GRIA2: variants seen among roughly 807,000 people sequenced by gnomAD.
The protein encoded by GRIA2 is glutamate receptor 2.
In GRIA2, 14 loss-of-function variants were observed where a neutral mutation model predicts 97.3. That is an observed-to-expected ratio of 0.14 (90% CI 0.10 to 0.23). The LOEUF (loss-of-function observed/expected upper bound fraction) is 0.23, where lower values mean the gene tolerates loss of function less well. Ranked by LOEUF, GRIA2 falls within the 10% of genes least tolerant of loss-of-function variation. GRIA2 has a pLI of 1.00. For synonymous variants in GRIA2, 412 were observed against 387.8 expected, an observed-to-expected ratio of 1.06 and a Z score of -0.73; for missense variants, 558 against 1,069.8, an observed-to-expected ratio of 0.52 and a Z score of 6.67.
rs770055541 is a variant in GRIA2, at chr4:157,341,244, C to A, written c.1845-20C>A. 3.2e-6 allele frequency: 5 copies of A among 1,551,950 alleles called. No homozygotes were observed. The Admixed American group carries it at 6.7e-5, about 21-fold the overall frequency. On this transcript the variant is annotated intron_variant, in intron 11 of 15. Transcript: ENST00000264426. ...GGTCATTCATTTCACTTTACAAATC[C>A]ATTTCATACTTGTTATTAGATCCCT...
At chr4:157,338,023 T>C (rs1180339894) in intron 11 of GRIA2, among the ~76,000 whole-genome samples, 1 of 12,726 alleles carries the variant, frequency 7.9e-5, no homozygotes, top group Non-Finnish European at 2.6e-4. Context: ...TATATATATA[T>C]ATATATATAT....
intron 2 of GRIA2, among the ~76,000 whole-genome samples, chr4:157,254,237 C>G (rs926112370): frequency 2.6e-5 from 4 of 151,940 alleles, no homozygotes; most frequent in African/African-American, 9.7e-5. Context: ...AACATAAGCT[C>G]TCTATTTTCT....
intron 2 of GRIA2, among the ~76,000 whole-genome samples, chr4:157,252,441 C>T (rs1731058320): frequency 6.6e-6 from 1 of 151,998 alleles, no homozygotes. Context: ...GTTTTTGTTG[C>T]CAGTTCTAAA....
At chr4:157,260,142 C>T (rs1731461848) in intron 2 of GRIA2, among the ~76,000 whole-genome samples, 1 of 152,084 alleles carries the variant, frequency 6.6e-6, no homozygotes, top group South Asian at 2.1e-4. Flanking sequence ...TGAAAGTGAT[C>T]TGTGACTTTC....
At chr4:157,350,712 T>A (rs903126296) in intron 12 of GRIA2, among the ~76,000 whole-genome samples, 1 of 152,250 alleles carries the variant, frequency 6.6e-6, no homozygotes, top group African/African-American at 2.4e-5. Flanking sequence ...AGAATTCTGT[T>A]ATCTAGACTC....
rs1735521822 is a variant in GRIA2, at chr4:157,340,954, T to C, written c.1845-310T>C. Among the ~76,000 whole-genome samples, 3 of 152,074 alleles carry C rather than the reference T, an allele frequency of 2.0e-5. No individual in the cohort carries two copies. The South Asian group carries it at 6.2e-4, about 31-fold the overall frequency. ...CTTACATCATGAGTGGATAAACTTTTATGAGTATTTGTAAATTTCTTGAAA... is the reference window on the plus strand; with the variant it reads ...CTTACATCATGAGTGGATAAACTTTCATGAGTATTTGTAAATTTCTTGAAA... On this transcript the variant is annotated intron_variant, in intron 11 of 15. Transcript: ENST00000264426.
chr4:157,257,356 A>G (rs948551106), intron 2 of GRIA2, among the ~76,000 whole-genome samples: 12 of 152,022 alleles, frequency 7.9e-5, no homozygotes, highest in African/African-American at 2.9e-4. Flanking sequence ...CTTTCACACC[A>G]TTGAAGGGAG....
chr4:157,327,703 C>T (rs972930291), intron 6 of GRIA2, among the ~76,000 whole-genome samples: 3 of 152,064 alleles, frequency 2.0e-5, no homozygotes, highest in African/African-American at 7.2e-5. Context: ...AGGAATTCAA[C>T]AATAATCTGT....
chr4:157,299,527 A>G (rs1456923652), intron 2 of GRIA2, among the ~76,000 whole-genome samples: 1 of 152,100 alleles, frequency 6.6e-6, no homozygotes, highest in East Asian at 1.9e-4. Flanking sequence ...CTACTCAATA[A>G]CTATGCGAGG....
chr4:157,340,937 A>G (rs561748981), intron 11 of GRIA2, among the ~76,000 whole-genome samples: 2 of 152,124 alleles, frequency 1.3e-5, no homozygotes, highest in South Asian at 4.1e-4. Flanking sequence ...TACTTACATC[A>G]TGAGTGGATA....
chr4:157,312,535 G>A, intron 3 of GRIA2, 144 bp from the exon 4 acceptor site: 2 of 506,774 alleles, frequency 3.9e-6, no homozygotes, highest in South Asian at 3.6e-5. Context: ...AAAGATCATA[G>A]CTATAGCTTT....
At chr4:157,298,914 A>G (rs963853650) in intron 2 of GRIA2, among the ~76,000 whole-genome samples, 4 of 152,058 alleles carry the variant, frequency 2.6e-5, no homozygotes, top group Non-Finnish European at 5.9e-5. Flanking sequence ...CCTTGTGGAA[A>G]GGGGTGAGAC....
intron 2 of GRIA2, among the ~76,000 whole-genome samples, chr4:157,301,328 T>C (rs1484702172): frequency 4.6e-5 from 7 of 152,228 alleles, no homozygotes; most frequent in Non-Finnish European, 7.3e-5. Flanking sequence ...AAGGTTATTT[T>C]CAACTCTGTA....
At chr4:157,325,878 C>T (rs901746798) in intron 6 of GRIA2, among the ~76,000 whole-genome samples, 5 of 152,140 alleles carry the variant, frequency 3.3e-5, no homozygotes, top group Admixed American at 1.3e-4. Flanking sequence ...GATTTCCCTC[C>T]GTTCACCCCT....
At chr4:157,331,447 T>C (rs1735043757) in intron 6 of GRIA2, among the ~76,000 whole-genome samples, 1 of 152,022 alleles carries the variant, frequency 6.6e-6, no homozygotes, top group Non-Finnish European at 1.5e-5. Flanking sequence ...ATTTGACTTA[T>C]TCAATTTAGC....
At chr4:157,270,867 G>A (rs1217489850) in intron 2 of GRIA2, among the ~76,000 whole-genome samples, 1 of 151,802 alleles carries the variant, frequency 6.6e-6, no homozygotes, top group East Asian at 1.9e-4. Flanking sequence ...GGAATAGAAA[G>A]ACTCTCAATT....
intron 2 of GRIA2, among the ~76,000 whole-genome samples, chr4:157,262,795 G>C (rs1398202449): frequency 6.6e-6 from 1 of 151,962 alleles, no homozygotes; most frequent in Non-Finnish European, 1.5e-5. Context: ...GGCAGAATAA[G>C]AGCAAAGTAC....
intron 6 of GRIA2, 52 bp downstream of exon 6, chr4:157,321,651 A>G: frequency 2.3e-6 from 3 of 1,313,750 alleles, no homozygotes; most frequent in Non-Finnish European, 3.2e-6. Flanking sequence ...AGGAGAGAGA[A>G]GAGTCTTGGC....
chr4:157,333,091 G>A, intron 7 of GRIA2, 105 bp downstream of exon 7: 1 of 1,009,066 alleles, frequency 9.9e-7, no homozygotes. Flanking sequence ...TAATATACAG[G>A]CAATGTTCTT....
Sources: allele counts gnomAD v4.1 joint callset (sites outside exome capture counted in the v4.1 genomes callset), GRCh38; gene constraint gnomAD v4.1.1; transcripts MANE v1.5; gene names NCBI Gene and HGNC (gene_info 2026-07-23, HGNC 2026-07-21).